LTBP1: variants seen among roughly 807,000 people sequenced by gnomAD.
LTBP1 encodes latent-transforming growth factor beta-binding protein 1.
Under a neutral mutation model 207.6 loss-of-function variants are expected in LTBP1, and 129 were observed. That is an observed-to-expected ratio of 0.62 (90% CI 0.54 to 0.72). LTBP1 has a LOEUF of 0.72. LTBP1 is among the 30% of genes least tolerant of loss of function. The pLI, the probability that LTBP1 is intolerant of heterozygous loss-of-function variation, is 0.00. For synonymous variants in LTBP1, 963 were observed against 833.7 expected (o/e 1.16, Z -2.67); for missense variants, 2,281 against 2,217.2 (o/e 1.03, Z -0.58).
chr2:32,992,375 C>T (rs142326421), intron 2 of LTBP1, among the ~76,000 whole-genome samples: 45 of 152,182 alleles, frequency 3.0e-4, no homozygotes, highest in African/African-American at 9.9e-4. Context: ...CAGGTTGAGA[C>T]GGGAGAAGGG....
At chr2:32,973,460 C>A (rs997793200) in intron 2 of LTBP1, among the ~76,000 whole-genome samples, 1 of 151,930 alleles carries the variant, frequency 6.6e-6, no homozygotes, top group African/African-American at 2.4e-5. Flanking sequence ...TTTGTGGGTA[C>A]ACAGTAGGTA....
At chr2:33,121,731 T>A (rs743236) in intron 4 of LTBP1, among the ~76,000 whole-genome samples, 77,071 of 152,030 alleles carry the variant, frequency 0.51, 20,454 homozygotes, top group Middle Eastern at 0.59. Context: ...TATTTTTGCC[T>A]TTATTCGTCA....
intron 9 of LTBP1, among the ~76,000 whole-genome samples, chr2:33,232,561 C>CT (rs1460760086): frequency 6.6e-6 from 1 of 152,094 alleles, no homozygotes; most frequent in Admixed American, 6.6e-5. Context: ...GGCAGTATTT[C>CT]TTGTATCCTG....
Position 33,300,532 on chromosome 2 carries a change from G to C in LTBP1, c.3317G>C (p.Gly1106Ala), listed in dbSNP as rs1167067439. The change falls in exon 21 of 34, where the codon GGA (glycine) becomes GCA (alanine). Residue 1106 changes from glycine to alanine, a missense_variant. This residue lies in a region of LTBP1 where 1,671 missense variants were observed against 1,634.8 expected (regional missense o/e 1.02). Coordinates refer to ENST00000404816, the MANE Select transcript of LTBP1 (RefSeq NM_206943.4). Reference protein sequence around the residue: ...NTEGSFRCTCGQGYQLSAAKD... With the variant: ...NTEGSFRCTCAQGYQLSAAKD... The stretch of plus-strand genomic sequence containing the variant: ...GAGGGCTCCTTCAGGTGCACCTGTG[G>C]ACAGGGGTACCAGCTGTCGGCAGCT... 1 of 1,613,714 alleles carries C rather than the reference G, an allele frequency of 6.2e-7. No individual in the cohort carries two copies.
chr2:33,360,921 C>A, intron 27 of LTBP1, 142 bp downstream of exon 27: 2 of 621,474 alleles, frequency 3.2e-6, no homozygotes, highest in East Asian at 2.8e-5. Context: ...AGAGCCAGCA[C>A]CTGCATCCCA....
intron 2 of LTBP1, among the ~76,000 whole-genome samples, chr2:32,979,312 C>G (rs933613758): frequency 6.6e-6 from 1 of 151,660 alleles, no homozygotes; most frequent in Non-Finnish European, 1.5e-5. Flanking sequence ...AGTTTTTCTA[C>G]TTTTTTGATG....
chr2:33,187,025 C>T lies in LTBP1; in HGVS notation c.1371C>T (p.Val457=), dbSNP rs1363615808. 2 of 1,614,182 alleles carry T rather than the reference C, an allele frequency of 1.2e-6. No homozygotes were observed. The highest frequency in any genetic ancestry group is 1.1e-5 in the South Asian group (1 of 91,070). ...QQPGKALGTH[V]IHSTHTLPLT... is the part of the protein sequence containing the mutation. The stretch of plus-strand genomic sequence containing the variant: ...CAGGCAAGGCGTTGGGGACGCATGT[C>T]ATCCATTCAACACATACCTTGCCTC... The change falls in exon 6 of 34, where the codon GTC becomes GTT. Residue 457 remains valine (V), a synonymous_variant. Transcript: ENST00000404816.
At chr2:33,055,846 G>A (rs942494308) in intron 3 of LTBP1, among the ~76,000 whole-genome samples, 17 of 152,186 alleles carry the variant, frequency 1.1e-4, no homozygotes, top group African/African-American at 3.6e-4. Flanking sequence ...CCCATAGCCC[G>A]TGGGTTTTTG....
chr2:33,398,423 A>G lies in LTBP1; in HGVS notation c.5044A>G (p.Ile1682Val), dbSNP rs1328923101. ...RMSLCKNAKC[I>V]NTDGSYKCLC... ...GTCTCTCTGCAAGAATGCCAAGTGC[A>G]TTAACACCGATGGTTCCTACAAGTG... is the stretch of plus-strand genomic sequence containing the variant. Residue 1682 changes from isoleucine (I) to valine (V), a missense_variant, in exon 34 of 34, where the codon ATT becomes GTT. By Grantham distance (29) the Ile-to-Val change is conservative (BLOSUM62 3). Around this residue, in one of 3 missense-constraint regions of LTBP1, gnomAD observed 1,671 missense variants for 1,634.8 expected, o/e 1.02. Coordinates refer to ENST00000404816, the MANE Select transcript of LTBP1 (RefSeq NM_206943.4). 3 of 1,614,088 alleles carry G rather than the reference A, an allele frequency of 1.9e-6. No homozygotes were observed. The highest frequency in any genetic ancestry group is 2.2e-5 in the East Asian group (1 of 44,898).
intron 8 of LTBP1, among the ~76,000 whole-genome samples, chr2:33,220,424 G>C (rs1048138138): frequency 6.6e-6 from 1 of 152,134 alleles, no homozygotes; most frequent in African/African-American, 2.4e-5. Context: ...CATACAGAAA[G>C]ACCTTTCATT....
intron 26 of LTBP1, among the ~76,000 whole-genome samples, chr2:33,354,085 G>T (rs577157968): frequency 6.6e-6 from 1 of 151,162 alleles, no homozygotes; most frequent in Non-Finnish European, 1.5e-5. Context: ...GGATGGTCTC[G>T]ATCTCCTGAC....
At chr2:33,100,253 G>A (rs2150127530) in intron 3 of LTBP1, among the ~76,000 whole-genome samples, 1 of 152,300 alleles carries the variant, frequency 6.6e-6, no homozygotes, top group Middle Eastern at 3.4e-3. Context: ...CGAGAGTGCA[G>A]GAGGAGTAAA....
intron 4 of LTBP1, among the ~76,000 whole-genome samples, chr2:33,132,240 A>T (rs2081855658): frequency 6.6e-6 from 1 of 152,222 alleles, no homozygotes; most frequent in African/African-American, 2.4e-5. Flanking sequence ...AACTTAGATT[A>T]TAAGCTGATT....
At chr2:33,359,315 C>T (rs1474885723) in intron 26 of LTBP1, among the ~76,000 whole-genome samples, 2 of 152,034 alleles carry the variant, frequency 1.3e-5, no homozygotes, top group South Asian at 2.1e-4. Context: ...AGTAGCTTTT[C>T]GGATAGAATT....
chr2:33,213,773 T>C (rs536975144), intron 7 of LTBP1, among the ~76,000 whole-genome samples: 22 of 152,354 alleles, frequency 1.4e-4, no homozygotes, highest in South Asian at 4.1e-4. Flanking sequence ...TCATCTCTTG[T>C]AGCTTATTCT....
intron 9 of LTBP1, among the ~76,000 whole-genome samples, chr2:33,227,032 C>G (rs1249033162): frequency 6.6e-6 from 1 of 150,972 alleles, no homozygotes; most frequent in Non-Finnish European, 1.5e-5. Flanking sequence ...CATCATTTTA[C>G]CTTTTTTTTT....
At position 33,390,351 on chromosome 2, in the gene LTBP1, C is replaced by G. The variant is rs539076319; in HGVS notation, c.4834+1045C>G. On this transcript the variant is annotated intron_variant, in intron 32 of 33. Transcript: ENST00000404816. ...TTTTCAAATACAGACAATTTGAAGT[C>G]TGAAACAGCAGGAGGTCCACAATGA... Among the ~76,000 whole-genome samples, 49 of 152,268 alleles carry G rather than the reference C, an allele frequency of 3.2e-4. 1 individual carries two copies. Among genetic ancestry groups the G allele is most frequent in the African/African-American group, 1.2e-3 (49 of 41,552 alleles).
chr2:32,975,583 GTTTTTTTTTTTTTTTTTTTTTTTTTTT>G (rs779168923), intron 2 of LTBP1, among the ~76,000 whole-genome samples: 8 of 31,360 alleles, frequency 2.6e-4, no homozygotes, highest in Non-Finnish European at 3.3e-4. Context: ...TTCATTCTTT[GTTTTTTTTTTTTTTTTTTTTTTTTTTT>G]TTTTTTTTTT....
At chr2:32,990,006 G>T (rs1479451892) in intron 2 of LTBP1, among the ~76,000 whole-genome samples, 1 of 152,210 alleles carries the variant, frequency 6.6e-6, no homozygotes, top group Non-Finnish European at 1.5e-5. Context: ...TTGGAAGGCT[G>T]AGGTGGGAGG....
Sources: gnomAD v4.1 joint callset for allele counts (sites outside exome capture counted in the v4.1 genomes callset) on GRCh38, gnomAD v4.1.1 for gene constraint, gnomAD v4.1.1 regional missense constraint, MANE v1.5 for transcripts, NCBI Gene and HGNC (gene_info 2026-07-23, HGNC 2026-07-21) for gene names.